Variants in TENM3 observed in about 807,000 individuals in gnomAD.
TENM3 encodes the protein teneurin-3.
A neutral mutation model predicts 255.1 loss-of-function variants in TENM3; 63 were observed. The ratio of observed to expected loss-of-function variants is 0.25; its 90% CI spans 0.20 to 0.30. The LOEUF is 0.30. Among genes scored for constraint, TENM3 ranks in the 10% least tolerant of loss-of-function variants. TENM3 has a pLI of 1.00. For synonymous variants in TENM3, 1,306 were observed against 1,322.3 expected (o/e 0.99, Z 0.27); for missense variants, 2,929 against 3,461.1 (o/e 0.85, Z 3.86).
the TENM3 span, among the ~76,000 whole-genome samples, chr4:181,893,446 C>T: frequency 1.3e-5 from 2 of 148,840 alleles, no homozygotes; most frequent in Admixed American, 6.8e-5. Context: ...AGACACATTT[C>T]AAAAATATAC....
intron 1 of TENM3, among the ~76,000 whole-genome samples, chr4:182,160,161 C>T (rs1475586822): frequency 2.7e-5 from 4 of 149,884 alleles, no homozygotes; most frequent in Non-Finnish European, 4.5e-5. Context: ...CGCCACCACG[C>T]CTGGCTAATT....
intron 3 of TENM3, among the ~76,000 whole-genome samples, chr4:182,370,301 TGTAA>T (rs1318788933): frequency 2.6e-5 from 4 of 152,214 alleles, no homozygotes; most frequent in Non-Finnish European, 4.4e-5. Flanking sequence ...GTGTGTCTGT[TGTAA>T]GTATCATGTC....
chr4:181,916,521 G>A, the TENM3 span, among the ~76,000 whole-genome samples: 1 of 152,146 alleles, frequency 6.6e-6, no homozygotes, highest in African/African-American at 2.4e-5. Context: ...GAGACATCTA[G>A]TAAAAGGGTT....
chr4:182,465,643 A>G (rs1014574875), intron 3 of TENM3, among the ~76,000 whole-genome samples: 1 of 152,162 alleles, frequency 6.6e-6, no homozygotes, highest in African/African-American at 2.4e-5. Context: ...GCTATTTATA[A>G]AAAAAGTATA....
chr4:181,883,983 TG>T, the TENM3 span, among the ~76,000 whole-genome samples: 3 of 152,168 alleles, frequency 2.0e-5, no homozygotes, highest in African/African-American at 7.2e-5. Flanking sequence ...GGCTGCATCC[TG>T]GTCCCTCGGG....
At chr4:181,923,627 A>G in the TENM3 span, among the ~76,000 whole-genome samples, 5 of 152,318 alleles carry the variant, frequency 3.3e-5, no homozygotes, top group East Asian at 9.6e-4. Flanking sequence ...CAAACATATT[A>G]AACTACCATT....
intron 3 of TENM3, among the ~76,000 whole-genome samples, chr4:182,478,779 T>C (rs2151498382): frequency 6.6e-6 from 1 of 152,146 alleles, no homozygotes; most frequent in Non-Finnish European, 1.5e-5. Flanking sequence ...TTATGGATTA[T>C]ACTTAAATTT....
intron 3 of TENM3, among the ~76,000 whole-genome samples, chr4:182,355,911 TTA>T (rs112990350): frequency 2.2e-3 from 325 of 147,958 alleles, no homozygotes; most frequent in African/African-American, 7.5e-3. Context: ...TATATATATA[TTA>T]TATATATATA....
chr4:182,087,794 T>C, the TENM3 span, among the ~76,000 whole-genome samples: 1 of 152,248 alleles, frequency 6.6e-6, no homozygotes, highest in Non-Finnish European at 1.5e-5. Context: ...TTATTTATTC[T>C]ATGTGCTTCA....
intron 1 of TENM3, among the ~76,000 whole-genome samples, chr4:182,283,561 C>G (rs1487833511): frequency 6.6e-6 from 1 of 152,200 alleles, no homozygotes; most frequent in Admixed American, 6.5e-5. Context: ...ATCTGGTTGG[C>G]TCCCAAGATG....
chr4:182,757,253 A>C (rs1762806303), intron 22 of TENM3, among the ~76,000 whole-genome samples: 1 of 136,262 alleles, frequency 7.3e-6, no homozygotes. Context: ...TGGAGGTTGC[A>C]GTGAGCTGAG....
chr4:182,174,885 T>C (rs1752357626), intron 1 of TENM3, among the ~76,000 whole-genome samples: 1 of 152,200 alleles, frequency 6.6e-6, no homozygotes, highest in Admixed American at 6.5e-5. Flanking sequence ...ATTTTCATTT[T>C]TTAATTCCTT....
the TENM3 span, among the ~76,000 whole-genome samples, chr4:182,019,672 GGTT>G: frequency 6.6e-6 from 1 of 152,032 alleles, no homozygotes; most frequent in Non-Finnish European, 1.5e-5. Flanking sequence ...TATTTACTTG[GGTT>G]GTTGTTGTTG....
chr4:181,569,258 G>A, the TENM3 span, among the ~76,000 whole-genome samples: 2 of 152,194 alleles, frequency 1.3e-5, no homozygotes, highest in African/African-American at 2.4e-5. Flanking sequence ...AGAACATGGT[G>A]TGCCTATAGT....
chr4:182,048,423 A>G, the TENM3 span, among the ~76,000 whole-genome samples: 1 of 152,182 alleles, frequency 6.6e-6, no homozygotes, highest in Non-Finnish European at 1.5e-5. Flanking sequence ...ATCCAAACAC[A>G]TAGATATTAC....
intron 3 of TENM3, among the ~76,000 whole-genome samples, chr4:182,439,953 C>T (rs1772334246): frequency 6.6e-6 from 1 of 152,140 alleles, no homozygotes; most frequent in African/African-American, 2.4e-5. Context: ...TCTATGTAAG[C>T]ATCCACCAAG....
chr4:181,672,679 G>A, the TENM3 span, among the ~76,000 whole-genome samples: 1 of 152,148 alleles, frequency 6.6e-6, no homozygotes, highest in Non-Finnish European at 1.5e-5. Flanking sequence ...TTTTATTTCT[G>A]TAACAGTTTA....
chr4:182,680,206 G>T, intron 8 of TENM3, 42 bp from the exon 9 acceptor site: 1 of 1,379,000 alleles, frequency 7.3e-7, no homozygotes, highest in Non-Finnish European at 1.0e-6. Context: ...TTTGCAAGAG[G>T]CAGGCTATAC....
the TENM3 span, among the ~76,000 whole-genome samples, chr4:182,117,380 A>G: frequency 2.7e-3 from 418 of 152,336 alleles, 2 homozygotes; most frequent in Admixed American, 4.9e-3. Flanking sequence ...TCATTGCCAA[A>G]GCCAAGGTCA....
Sources: allele counts gnomAD v4.1 joint callset (sites outside exome capture counted in the v4.1 genomes callset), GRCh38; gene constraint gnomAD v4.1.1; transcripts MANE v1.5; gene names NCBI Gene and HGNC (gene_info 2026-07-23, HGNC 2026-07-21).